PDXDC1: variants seen among roughly 807,000 people sequenced by gnomAD.
PDXDC1 encodes the protein pyridoxal dependent decarboxylase domain containing 1.
A neutral mutation model predicts 100.1 loss-of-function variants in PDXDC1; 42 were observed. The ratio of observed to expected loss-of-function variants is 0.42; its 90% CI spans 0.33 to 0.54. PDXDC1 has a LOEUF of 0.54. PDXDC1 is among the 20% of genes least tolerant of loss of function. The pLI, the probability that PDXDC1 is intolerant of heterozygous loss-of-function variation, is 0.10. For synonymous variants in PDXDC1, 260 were observed against 371.7 expected (o/e 0.70, Z 3.46); for missense variants, 636 against 979.2 (o/e 0.65, Z 4.68).
At chr16:14,997,274 C>T (rs1972179180) in intron 1 of PDXDC1, among the ~76,000 whole-genome samples, 1 of 152,302 alleles carries the variant, frequency 6.6e-6, no homozygotes, top group African/African-American at 2.4e-5. Context: ...CGGTGGCTCA[C>T]ACCTGCAATC....
intron 16 of PDXDC1, chr16:15,135,580 T>G: frequency 8.0e-7 from 1 of 1,247,226 alleles, no homozygotes. Flanking sequence ...GGTGGCAAGC[T>G]GGGTGTTCTC....
rs370861288 is a variant in PDXDC1, at chr16:15,109,428, G to T, written c.1400-29451G>T. 2.9e-4 allele frequency among the ~76,000 whole-genome samples: 43 copies of T among 146,014 alleles called. 1 individual carries two copies. The highest frequency in any genetic ancestry group is 1.0e-3 in the East Asian group (5 of 5,012). On this transcript the variant is annotated intron_variant, in intron 16 of 16. Coordinates refer to the PDXDC1 transcript ENST00000535621. The stretch of plus-strand genomic sequence containing the variant: ...AATCCCAGCACATTGGGAGGCCGAG[G>T]TGTGCGGATCATGATGTCAGGAGTT...
chr16:15,003,067 C>T (rs1359347744), intron 4 of PDXDC1, among the ~76,000 whole-genome samples: 3 of 152,186 alleles, frequency 2.0e-5, no homozygotes. Context: ...TACAGTTATT[C>T]TTTATAAGGA....
At chr16:15,137,448 C>A in intron 16 of PDXDC1, 1 of 1,210,712 alleles carries the variant, frequency 8.3e-7, no homozygotes, top group Non-Finnish European at 1.2e-6. Flanking sequence ...CTGCAGGCCT[C>A]TGGCTGAAGC....
intron 16 of PDXDC1, chr16:15,074,808 G>C (rs1390927038): frequency 6.2e-7 from 1 of 1,613,870 alleles, no homozygotes; most frequent in Non-Finnish European, 8.5e-7. Flanking sequence ...GCACCATCTG[G>C]TCGAGCCGTT....
chr16:14,985,969 C>T (rs1182173604), intron 1 of PDXDC1, among the ~76,000 whole-genome samples: 4 of 152,248 alleles, frequency 2.6e-5, no homozygotes, highest in Non-Finnish European at 4.4e-5. Flanking sequence ...AGTGTGGTGG[C>T]ATGTGCCTGT....
intron 21 of PDXDC1, among the ~76,000 whole-genome samples, chr16:15,035,044 A>G (rs1387021506): frequency 6.6e-6 from 1 of 152,096 alleles, no homozygotes; most frequent in Non-Finnish European, 1.5e-5. Context: ...TTCCTGTTCT[A>G]CCAAGGAAAT....
At chr16:15,048,309 T>C (rs1218186355) in intron 16 of PDXDC1, among the ~76,000 whole-genome samples, 1 of 152,204 alleles carries the variant, frequency 6.6e-6, no homozygotes, top group Non-Finnish European at 1.5e-5. Flanking sequence ...CGCGGTGGTT[T>C]TTTTAACCTA....
chr16:14,982,832 T>TA (rs1204996223), intron 1 of PDXDC1, among the ~76,000 whole-genome samples: 1 of 152,252 alleles, frequency 6.6e-6, no homozygotes, highest in African/African-American at 2.4e-5. Flanking sequence ...CAGCAGGCAC[T>TA]GTTTGTTTTC....
At chr16:15,003,889 CAGG>C (rs1314659533) in intron 4 of PDXDC1, among the ~76,000 whole-genome samples, 87 of 152,194 alleles carry the variant, frequency 5.7e-4, no homozygotes, top group Non-Finnish European at 4.9e-4. Context: ...GAGGCTGAGA[CAGG>C]AGAATCACGT....
intron 7 of PDXDC1, among the ~76,000 whole-genome samples, 180 bp downstream of exon 7, chr16:15,009,027 A>G (rs552020446): frequency 1.3e-5 from 2 of 152,404 alleles, no homozygotes; most frequent in Admixed American, 1.3e-4. Flanking sequence ...GTTGGTTGGT[A>G]TATAGGTCAG....
intron 16 of PDXDC1, among the ~76,000 whole-genome samples, chr16:15,128,966 G>A (rs1223380302): frequency 6.7e-5 from 10 of 149,802 alleles, no homozygotes; most frequent in African/African-American, 1.2e-4. Context: ...CCAACACGCC[G>A]GCCTAATTTT....
chr16:15,126,577 G>A (rs1369865673), intron 16 of PDXDC1: 1 of 141,234 alleles, frequency 7.1e-6, no homozygotes, highest in Admixed American at 7.6e-5. Context: ...AGTCTGTGAA[G>A]GATTGGTGTT....
At chr16:15,098,161 C>CT (rs1218519698) in intron 16 of PDXDC1, among the ~76,000 whole-genome samples, 1 of 145,618 alleles carries the variant, frequency 6.9e-6, no homozygotes, top group Non-Finnish European at 1.5e-5. Flanking sequence ...GCACCAAAAG[C>CT]TTTTAGGAAA....
chr16:15,079,623 C>A (rs531748907), intron 16 of PDXDC1, among the ~76,000 whole-genome samples: 8 of 150,284 alleles, frequency 5.3e-5, no homozygotes, highest in African/African-American at 9.8e-5. Context: ...GATGGAGTCT[C>A]GCTCTGTCGC....
At chr16:15,091,823 A>AT (rs1352708211) in intron 16 of PDXDC1, among the ~76,000 whole-genome samples, 1 of 152,208 alleles carries the variant, frequency 6.6e-6, no homozygotes, top group Non-Finnish European at 1.5e-5. Context: ...AAAAACAAAA[A>AT]TCCCTACTCA....
chr16:15,135,372 T>C (rs2048300252), intron 16 of PDXDC1: 2 of 1,526,414 alleles, frequency 1.3e-6, no homozygotes, highest in East Asian at 4.9e-5. Context: ...TCCCGTGGAA[T>C]GGTGACCGTG....
At chr16:15,013,744 G>A (rs1404618548) in intron 8 of PDXDC1, among the ~76,000 whole-genome samples, 2 of 152,192 alleles carry the variant, frequency 1.3e-5, no homozygotes, top group East Asian at 1.9e-4. Flanking sequence ...GTGTGGTGGT[G>A]TGCACCTGTA....
intron 16 of PDXDC1, among the ~76,000 whole-genome samples, chr16:15,093,149 C>A (rs1360790811): frequency 6.6e-6 from 1 of 152,134 alleles, no homozygotes; most frequent in Non-Finnish European, 1.5e-5. Context: ...GGATTACAGG[C>A]ACCTGCCACC....
Sources: allele counts gnomAD v4.1 joint callset (sites outside exome capture counted in the v4.1 genomes callset), GRCh38; gene constraint gnomAD v4.1.1; transcripts MANE v1.5; gene names NCBI Gene and HGNC (gene_info 2026-07-23, HGNC 2026-07-21).